Variants in PHLDB2 observed in about 807,000 individuals in gnomAD.
The protein encoded by PHLDB2 is pleckstrin homology like domain family B member 2.
A neutral mutation model predicts 123.6 loss-of-function variants in PHLDB2; 71 were observed. That is an observed-to-expected ratio of 0.57 (90% CI 0.47 to 0.70). PHLDB2 has a LOEUF of 0.70. Among genes scored for constraint, PHLDB2 ranks in the 30% least tolerant of loss-of-function variants. The pLI is 0.00. For synonymous variants in PHLDB2, 547 were observed against 541.6 expected, an observed-to-expected ratio of 1.01 and a Z score of -0.14; for missense variants, 1,446 against 1,519.5, an observed-to-expected ratio of 0.95 and a Z score of 0.80.
Position 111,970,058 on chromosome 3 carries a change from A to T in PHLDB2, c.3535+149A>T, listed in dbSNP as rs117495207. 6.1e-5 allele frequency: 42 copies of T among 692,606 alleles called. No individual in the cohort carries two copies. In the Middle Eastern group the frequency reaches 1.5e-3, roughly 24 times the overall value. 42.9% of individuals were successfully genotyped at this position (692,606 alleles called of 1,614,324 possible). On this transcript the variant is annotated intron_variant, in intron 16 of 17. Coordinates refer to ENST00000431670, the MANE Select transcript of PHLDB2 (RefSeq NM_001134438.2). Reference sequence around the variant, plus strand: ...GATTTGTAGGTGTACATTATTTTATATTTAGATTATATAGTCCATATGATA... The same window carrying T: ...GATTTGTAGGTGTACATTATTTTATTTTTAGATTATATAGTCCATATGATA...
intron 1 of PHLDB2, among the ~76,000 whole-genome samples, chr3:111,835,213 A>G (rs925446295): frequency 1.3e-5 from 2 of 152,104 alleles, no homozygotes; most frequent in African/African-American, 4.8e-5. Context: ...AAACTGATGG[A>G]TTGGGGAAGA....
chr3:111,963,251 CA>C (rs1162268112), intron 13 of PHLDB2, among the ~76,000 whole-genome samples: 5 of 152,264 alleles, frequency 3.3e-5, no homozygotes, highest in Admixed American at 1.3e-4. Context: ...ATAAACCTCA[CA>C]GAGCTTAATG....
In PHLDB2 at chr3:111,949,155, C is replaced by A. The variant is rs2070527236; in HGVS notation, c.2631+80C>A. ...ACCCACGGCCAACTGAAAATGAGGT[C>A]CACGAGAACGTGCATGACAAATGTA... On this transcript the variant is annotated intron_variant, in intron 10 of 17. Transcript: ENST00000431670. 3 of 1,510,954 alleles carry A rather than the reference C, an allele frequency of 2.0e-6. No homozygotes were observed. The South Asian group carries it at 3.5e-5, about 18-fold the overall frequency. 93.6% of individuals were successfully genotyped at this position (1,510,954 alleles called of 1,614,324 possible). A position where few individuals can be genotyped will look rare whatever the true frequency, so the allele number is the denominator to read the frequency against.
At chr3:111,732,744 A>G (rs993825588) in intron 1 of PHLDB2, 12 of 1,490,202 alleles carry the variant, frequency 8.1e-6, no homozygotes, top group Non-Finnish European at 1.1e-5. Flanking sequence ...TCTTGTAATA[A>G]CAAAATGAGC....
chr3:111,855,839 C>T (rs1215614164), upstream of PHLDB2, among the ~76,000 whole-genome samples: 1 of 151,932 alleles, frequency 6.6e-6, no homozygotes, highest in Non-Finnish European at 1.5e-5. Flanking sequence ...GCCATGTTGG[C>T]CAGGCTGCTC....
rs547064650 is a variant in PHLDB2 at position 111,741,168 on chromosome 3, G to A, written c.-49+8465G>A. Reference sequence around the variant, plus strand: ...GGAGAAAAAGAGTTTCAGAGCATGAGGTAAAATAGAACTCTGTTTTCCTAC... The same window carrying A: ...GGAGAAAAAGAGTTTCAGAGCATGAAGTAAAATAGAACTCTGTTTTCCTAC... On this transcript the variant is annotated intron_variant, in intron 1 of 17. Coordinates refer to the PHLDB2 transcript ENST00000393923. Among the ~76,000 whole-genome samples, 3 of 152,234 alleles carry A rather than the reference G, an allele frequency of 2.0e-5. No homozygotes were observed. The South Asian group carries it at 6.2e-4, about 32-fold the overall frequency.
chr3:111,885,105 T>C lies in PHLDB2; in HGVS notation c.1028T>C (p.Leu343Pro), dbSNP rs761735136. Residue 343 changes from leucine (L) to proline (P), a missense_variant, in exon 2 of 18, where the codon CTG (leucine) becomes CCG (proline). Leu to Pro is a moderately conservative substitution (Grantham distance 98). Transcript: ENST00000431670. ...CCACGAGTGGCTCGGAAGATGCTTC[T>C]GGCCTCCACCTCCTCCTGTGCCTCT... is the stretch of plus-strand genomic sequence containing the variant. ...ASPRVARKML[L>P]ASTSSCASDD... 1 of 1,614,052 alleles carries C rather than the reference T, an allele frequency of 6.2e-7. No homozygotes were observed. Among genetic ancestry groups the C allele is most frequent in the Non-Finnish European group, 8.5e-7 (1 of 1,180,038 alleles).
At chr3:111,885,477 T>C (rs2066107796) in intron 2 of PHLDB2, 65 bp downstream of exon 2, 1 of 1,600,460 alleles carries the variant, frequency 6.2e-7, no homozygotes, top group South Asian at 1.1e-5. Flanking sequence ...AGGGCAGCCT[T>C]GGAGATGGAC....
chr3:111,831,804 G>A (rs1005379754), intron 1 of PHLDB2, among the ~76,000 whole-genome samples: 1 of 152,060 alleles, frequency 6.6e-6, no homozygotes, highest in African/African-American at 2.4e-5. Flanking sequence ...GTTTAAGGTG[G>A]GAATAGGCAA....
In PHLDB2 at chr3:111,733,564, T is replaced by C. The variant is rs570766644; in HGVS notation, c.-49+861T>C. Among the ~76,000 whole-genome samples, 3 of 152,308 alleles carry C rather than the reference T, an allele frequency of 2.0e-5. No individual in the cohort carries two copies. The East Asian group carries it at 5.8e-4, about 29-fold the overall frequency. On this transcript the variant is annotated intron_variant, in intron 1 of 17. Transcript: ENST00000393923. ...ACCTGATGATACCAATGCCACTCTA[T>C]GTACAAAGCTTGTGGCTTTGGAGGG...
rs371999888 is a variant in PHLDB2, at chr3:111,884,599, C to G, written c.522C>G (p.Gly174=). The G allele has an allele frequency of 6.2e-7, 1 of 1,614,116 alleles. No individual in the cohort carries two copies. The highest frequency in any genetic ancestry group is 2.2e-5 in the East Asian group (1 of 44,864). ...GGCTGGAAGGTCGGAAGGCATCTGG[C>G]TCGCTCCTGGCCATGTGGAATGGAA... ...LGGLEGRKAS[G]SLLAMWNGSS... Residue 174 remains glycine, a synonymous_variant, in exon 2 of 18, where the codon GGC becomes GGG. Transcript: ENST00000431670.
At chr3:111,944,270 TG>T (rs1421451815) in intron 8 of PHLDB2, among the ~76,000 whole-genome samples, 1 of 152,152 alleles carries the variant, frequency 6.6e-6, no homozygotes, top group Non-Finnish European at 1.5e-5. Flanking sequence ...AGGAAATGAT[TG>T]GGGTGACAGA....
At position 111,940,585 on chromosome 3, in the gene PHLDB2, T is replaced by A; in HGVS notation, c.2337T>A (p.Ala779=). ...KKQANHIVQQ[A]QREQDHFVKE... ...AAGCCAATCACATTGTTCAGCAGGCTCAGAGAGAGCAAGATCATTTTGTGA... is the reference window on the plus strand; with the variant it reads ...AAGCCAATCACATTGTTCAGCAGGCACAGAGAGAGCAAGATCATTTTGTGA... Residue 779 remains alanine (A), a synonymous_variant, in exon 8 of 18, where the codon GCT becomes GCA. Transcript: ENST00000431670. The A allele has an allele frequency of 6.2e-7, 1 of 1,605,600 alleles. No individual in the cohort carries two copies. Among genetic ancestry groups the A allele is most frequent in the Non-Finnish European group, 8.5e-7 (1 of 1,176,432 alleles).
chr3:111,896,600 C>T (rs2066886446), intron 2 of PHLDB2, among the ~76,000 whole-genome samples: 1 of 152,142 alleles, frequency 6.6e-6, no homozygotes, highest in South Asian at 2.1e-4. Flanking sequence ...ATCTGCCTGC[C>T]TTGGCCACCC....
intron 5 of PHLDB2, among the ~76,000 whole-genome samples, chr3:111,922,285 C>G (rs1218962745): frequency 6.6e-6 from 1 of 152,166 alleles, no homozygotes; most frequent in Non-Finnish European, 1.5e-5. Flanking sequence ...TCATTAATAT[C>G]AGATTCTACA....
chr3:111,748,113 T>A (rs1172245431), intron 1 of PHLDB2, among the ~76,000 whole-genome samples: 1 of 140,314 alleles, frequency 7.1e-6, no homozygotes, highest in Non-Finnish European at 1.5e-5. Context: ...AGAATGCTGG[T>A]GAATGAGGCC....
intron 1 of PHLDB2, among the ~76,000 whole-genome samples, chr3:111,816,301 T>C (rs1360373504): frequency 1.3e-5 from 2 of 152,106 alleles, no homozygotes; most frequent in Non-Finnish European, 2.9e-5. Flanking sequence ...CACTGACAGC[T>C]TGAACTGTTC....
rs189025698 is a variant in PHLDB2, at chr3:111,947,802, A to G, written c.2488-1130A>G. On this transcript the variant is annotated intron_variant, in intron 9 of 17. Transcript: ENST00000431670. ...CTCTGACACATCCAATTTATAAACA[A>G]TCAACTCTAGCATTCTCCACTTTGT... Among the ~76,000 whole-genome samples, 35 of 152,276 alleles carry G rather than the reference A, an allele frequency of 2.3e-4. No individual in the cohort carries two copies. In the South Asian group the frequency reaches 5.0e-3, roughly 22 times the overall value.
intron 1 of PHLDB2, among the ~76,000 whole-genome samples, chr3:111,742,399 G>A (rs186028265): frequency 6.6e-6 from 1 of 152,178 alleles, no homozygotes; most frequent in East Asian, 1.9e-4. Flanking sequence ...CCATGTTGGT[G>A]TGCTGCACCC....
Sources: gnomAD v4.1 joint callset for allele counts (sites outside exome capture counted in the v4.1 genomes callset) on GRCh38, gnomAD v4.1.1 for gene constraint, MANE v1.5 for transcripts, NCBI Gene and HGNC (gene_info 2026-07-23, HGNC 2026-07-21) for gene names.